DLAT: variants seen among roughly 807,000 people sequenced by gnomAD.
The protein encoded by DLAT is dihydrolipoamide S-acetyltransferase, also known as dihydrolipoyllysine-residue acetyltransferase component of pyruvate dehydrogenase complex, mitochondrial.
Under a neutral mutation model 68.0 loss-of-function variants are expected in DLAT, and 43 were observed. The ratio of observed to expected loss-of-function variants is 0.63; its 90% CI spans 0.50 to 0.81. DLAT has a LOEUF of 0.81. Among genes scored for constraint, DLAT ranks in the 40% least tolerant of loss-of-function variants. The pLI is 0.00. For synonymous variants in DLAT, 265 were observed against 288.6 expected (o/e 0.92, Z 0.83); for missense variants, 745 against 815.4 (o/e 0.91, Z 1.05).
intron 8 of DLAT, 97 bp from the exon 9 acceptor site, chr11:112,045,041 C>CAAA (rs11455845): frequency 0.011 from 8,101 of 770,490 alleles, no homozygotes; most frequent in Non-Finnish European, 0.012. Flanking sequence ...TCTCAAAAGA[C>CAAA]AAAAAAAAAA....
chr11:112,047,143 T>C (rs1863363074), intron 10 of DLAT, among the ~76,000 whole-genome samples: 1 of 152,222 alleles, frequency 6.6e-6, no homozygotes, highest in South Asian at 2.1e-4. Flanking sequence ...TCCTGACTTT[T>C]TAGTGATCGC....
At chr11:112,059,023 C>T (rs1430557736) in intron 11 of DLAT, among the ~76,000 whole-genome samples, 1 of 151,688 alleles carries the variant, frequency 6.6e-6, no homozygotes, top group Non-Finnish European at 1.5e-5. Context: ...GATTGGGACT[C>T]CTTGATAACA....
chr11:112,036,864 A>G (rs1555180559), intron 5 of DLAT: 1 of 189,748 alleles, frequency 5.3e-6, no homozygotes, highest in East Asian at 1.5e-4. Context: ...TCTTATCTTT[A>G]GCAGCATAGC....
rs1477665560 is a variant in DLAT, at chr11:112,026,968, C to T, written c.381+669C>T. ...CTGACCCCCCCACTTCCCTCCCGGACGGGGCGGCTGGCTGGGCGGGGGGCT... is the reference window on the plus strand; with the variant it reads ...CTGACCCCCCCACTTCCCTCCCGGATGGGGCGGCTGGCTGGGCGGGGGGCT... On this transcript the variant is annotated intron_variant, in intron 2 of 13. Transcript: ENST00000280346. Among the ~76,000 whole-genome samples the T allele has an allele frequency of 3.3e-5, 5 of 150,410 alleles. No individual in the cohort carries two copies. In the South Asian group the frequency reaches 6.3e-4, roughly 19 times the overall value.
chr11:112,030,345 G>T (rs1862326531), intron 4 of DLAT: 2 of 475,630 alleles, frequency 4.2e-6, no homozygotes, highest in Non-Finnish European at 8.4e-6. Context: ...GGGGTTAGCA[G>T]GGCTTGAAGT....
At chr11:112,039,475 C>T in intron 7 of DLAT, 78 bp downstream of exon 7, 3 of 1,388,976 alleles carry the variant, frequency 2.2e-6, no homozygotes, top group Non-Finnish European at 3.1e-6. Flanking sequence ...GCAAGTACAA[C>T]TATGTATAGC....
At chr11:112,034,442 TA>T (rs1413344240) in intron 5 of DLAT, among the ~76,000 whole-genome samples, 2 of 151,324 alleles carry the variant, frequency 1.3e-5, no homozygotes, top group Non-Finnish European at 2.9e-5. Context: ...TATTTATTAT[TA>T]TTATTTTTTT....
At chr11:112,043,443 T>G in intron 7 of DLAT, 23 bp from the exon 8 acceptor site, 1 of 1,605,530 alleles carries the variant, frequency 6.2e-7, no homozygotes, top group Non-Finnish European at 8.5e-7. Flanking sequence ...TCATCATGTA[T>G]GTGATATTTA....
intron 2 of DLAT, among the ~76,000 whole-genome samples, chr11:112,026,531 G>C (rs1318993501): frequency 3.3e-5 from 5 of 151,866 alleles, no homozygotes; most frequent in Admixed American, 6.6e-5. Context: ...TGACTCTTAA[G>C]GAGCATGCTG....
At chr11:112,027,493 G>A (rs1197578179) in intron 2 of DLAT, among the ~76,000 whole-genome samples, 2 of 151,776 alleles carry the variant, frequency 1.3e-5, no homozygotes, top group Non-Finnish European at 2.9e-5. Context: ...CTTCCCAGAC[G>A]GGGTGGCAGC....
chr11:112,048,744 G>C (rs938228563), intron 10 of DLAT, among the ~76,000 whole-genome samples: 4 of 152,034 alleles, frequency 2.6e-5, no homozygotes, highest in Non-Finnish European at 2.9e-5. Context: ...ATGTTGGCCA[G>C]GCTGGTCTCG....
chr11:112,053,828 T>G (rs1364878462), intron 11 of DLAT, among the ~76,000 whole-genome samples: 1 of 152,208 alleles, frequency 6.6e-6, no homozygotes, highest in Non-Finnish European at 1.5e-5. Context: ...ATTTTTCTGT[T>G]GCCTTTTATG....
At chr11:112,026,891 C>A (rs1167200640) in intron 2 of DLAT, among the ~76,000 whole-genome samples, 1 of 151,930 alleles carries the variant, frequency 6.6e-6, no homozygotes, top group Non-Finnish European at 1.5e-5. Flanking sequence ...GTAGGGGCGG[C>A]TGGGCAGAGG....
In DLAT at chr11:112,062,792, C is replaced by T. The variant is rs1864717478; in HGVS notation, c.*257C>T. 2.3e-6 allele frequency: 1 copy of T among 434,802 alleles called. No individual in the cohort carries two copies. Among genetic ancestry groups the T allele is most frequent in the Non-Finnish European group, 4.3e-6 (1 of 235,230 alleles). The allele number at this position is 434,802 out of a possible 1,614,324, so 26.9% of individuals were successfully genotyped here. On this transcript the variant is annotated 3_prime_UTR_variant, in exon 14 of 14. Transcript: ENST00000280346. ...ATTAAGGGACATGTATGTGGCCTTG[C>T]CTAGCCCTTTGGTGATAAGTACTTC...
At chr11:112,057,125 C>G (rs151123750) in intron 11 of DLAT, among the ~76,000 whole-genome samples, 3 of 152,244 alleles carry the variant, frequency 2.0e-5, no homozygotes, top group Admixed American at 6.5e-5. Flanking sequence ...GAACCATGCC[C>G]ATATAAGATG....
chr11:112,046,887 G>C (rs1863350560), intron 10 of DLAT, among the ~76,000 whole-genome samples: 1 of 152,094 alleles, frequency 6.6e-6, no homozygotes, highest in Non-Finnish European at 1.5e-5. Flanking sequence ...ATTTGGCTTG[G>C]TTCCAAGTCT....
At chr11:112,027,103 C>T (rs1418512057) in intron 2 of DLAT, among the ~76,000 whole-genome samples, 12 of 147,720 alleles carry the variant, frequency 8.1e-5, no homozygotes, top group South Asian at 2.2e-4. Flanking sequence ...ACTTCCCAGA[C>T]GGGGTGGCTG....
intron 10 of DLAT, among the ~76,000 whole-genome samples, chr11:112,046,438 T>G (rs1323304511): frequency 1.3e-5 from 2 of 152,136 alleles, no homozygotes; most frequent in African/African-American, 4.8e-5. Flanking sequence ...CAGATTTTTT[T>G]TTTTTTGTAG....
intron 7 of DLAT, 63 bp downstream of exon 7, chr11:112,039,460 G>C: frequency 6.5e-7 from 1 of 1,535,010 alleles, no homozygotes; most frequent in South Asian, 1.1e-5. Flanking sequence ...TCCTCCTTAA[G>C]ACTTGCAAGT....
Sources: allele counts gnomAD v4.1 joint callset (sites outside exome capture counted in the v4.1 genomes callset), GRCh38; gene constraint gnomAD v4.1.1; transcripts MANE v1.5; gene names NCBI Gene and HGNC (gene_info 2026-07-23, HGNC 2026-07-21).